The following UNC5D variants were observed in gnomAD, a reference collection of about 807,000 sequenced individuals.
UNC5D encodes the protein netrin receptor UNC5D.
UNC5D carries 39 observed loss-of-function variants against 105.4 expected under a neutral mutation model. The ratio of observed to expected loss-of-function variants is 0.37; its 90% CI spans 0.29 to 0.48. The LOEUF is 0.48. UNC5D is among the 20% of genes least tolerant of loss of function. The pLI, the probability that UNC5D is intolerant of heterozygous loss-of-function variation, is 0.98. For missense variants in UNC5D, 991 were observed against 1,202.4 expected, an observed-to-expected ratio of 0.82 and a Z score of 2.60; for synonymous variants, 452 against 450.4, an observed-to-expected ratio of 1.00 and a Z score of -0.04.
chr8:35,409,316 A>C (rs555601350), intron 1 of UNC5D, among the ~76,000 whole-genome samples: 3 of 152,222 alleles, frequency 2.0e-5, no homozygotes, highest in African/African-American at 7.2e-5. Context: ...ACTCTCTCCC[A>C]AAGAGGCTGT....
Position 35,445,821 on chromosome 8 carries a change from G to A in UNC5D, c.104-103471G>A, listed in dbSNP as rs1284022290. Among the ~76,000 whole-genome samples, 8 of 152,140 alleles carry A rather than the reference G, an allele frequency of 5.3e-5. No homozygotes were observed. The East Asian group carries it at 1.5e-3, about 29-fold the overall frequency. On this transcript the variant is annotated intron_variant, in intron 1 of 16. Coordinates refer to ENST00000404895, the MANE Select transcript of UNC5D (RefSeq NM_080872.4). Reference sequence around the variant, plus strand: ...TTCAATTCTTTTTGTGTTTAAAAAAGTGATTAATACATCTGTAGTATTTAT... The same window carrying A: ...TTCAATTCTTTTTGTGTTTAAAAAAATGATTAATACATCTGTAGTATTTAT...
At chr8:35,291,712 C>G (rs1807080919) in intron 1 of UNC5D, among the ~76,000 whole-genome samples, 1 of 152,162 alleles carries the variant, frequency 6.6e-6, no homozygotes, top group African/African-American at 2.4e-5. Context: ...CCGCTTGATT[C>G]TAAATTCCAT....
At chr8:35,563,928 A>G (rs1817142472) in intron 2 of UNC5D, among the ~76,000 whole-genome samples, 1 of 152,048 alleles carries the variant, frequency 6.6e-6, no homozygotes, top group Non-Finnish European at 1.5e-5. Context: ...TGATTTGCAT[A>G]TGTTGAAGTG....
chr8:35,398,167 T>G (rs1804218848), intron 1 of UNC5D, among the ~76,000 whole-genome samples: 1 of 152,186 alleles, frequency 6.6e-6, no homozygotes, highest in African/African-American at 2.4e-5. Flanking sequence ...AGGACACTAT[T>G]TAGAGGAAAA....
Position 35,696,006 on chromosome 8 carries a change from A to G in UNC5D, c.1084+9297A>G, listed in dbSNP as rs1178213246. On this transcript the variant is annotated intron_variant, in intron 7 of 16. Coordinates refer to ENST00000404895, the MANE Select transcript of UNC5D (RefSeq NM_080872.4). ...CACCTTGACCTCCCAAAGTGCTGGG[A>G]TTACAGGTGGTAGAAAATATTTTTT... is the stretch of plus-strand genomic sequence containing the variant. Among the ~76,000 whole-genome samples the G allele has an allele frequency of 2.6e-5, 4 of 152,250 alleles. No individual in the cohort carries two copies. The East Asian group carries it at 7.7e-4, about 29-fold the overall frequency.
Position 35,676,235 on chromosome 8 carries a change from A to ATT in UNC5D, c.571-7311_571-7310dup, listed in dbSNP as rs558276832. 1.8e-4 allele frequency among the ~76,000 whole-genome samples: 28 copies of ATT among 152,350 alleles called. No individual in the cohort carries two copies. The East Asian group carries it at 5.2e-3, about 28-fold the overall frequency. On this transcript the variant is annotated intron_variant, in intron 4 of 16. Transcript: ENST00000404895. ...TATAAACTGGAAAAAAAATCTACAA[A>ATT]TTGCAGACCATCTGTACATAACACT... is the stretch of plus-strand genomic sequence containing the variant.
At chr8:35,462,221 GT>G (rs879435239) in intron 1 of UNC5D, among the ~76,000 whole-genome samples, 35 of 150,550 alleles carry the variant, frequency 2.3e-4, no homozygotes, top group African/African-American at 4.6e-4. Flanking sequence ...TCTTTTAAAG[GT>G]TTTTTTTTAA....
At position 35,595,560 on chromosome 8, in the gene UNC5D, G is replaced by A. The variant is rs751720393; in HGVS notation, c.473G>A (p.Arg158Gln). 4 of 1,613,860 alleles carry A rather than the reference G, an allele frequency of 2.5e-6. No homozygotes were observed. Among genetic ancestry groups the A allele is most frequent in the Admixed American group, 1.7e-5 (1 of 60,008 alleles). ...ATCTCATGCTTCTTTGCAGATTTAC[G>A]GAAAAACTTTGAACAAGACCCACAA... ...RKASVRIAYL[R>Q]KNFEQDPQGR... Residue 158 changes from arginine to glutamine, a missense_variant, in exon 4 of 17, where the codon CGG becomes CAG. Physicochemically the swap from Arg to Gln is conservative, Grantham distance 43 (BLOSUM62 1). This residue lies in a region of UNC5D where 944 missense variants were observed against 1,131.6 expected (regional missense o/e 0.83). Transcript: ENST00000404895.
At chr8:35,607,408 C>T (rs1176252246) in intron 4 of UNC5D, among the ~76,000 whole-genome samples, 1 of 152,108 alleles carries the variant, frequency 6.6e-6, no homozygotes, top group Non-Finnish European at 1.5e-5. Flanking sequence ...GCATTAATTC[C>T]TTCTGGGGCT....
chr8:35,445,570 GTTAA>G (rs1024521807), intron 1 of UNC5D, among the ~76,000 whole-genome samples: 1 of 151,974 alleles, frequency 6.6e-6, no homozygotes, highest in Non-Finnish European at 1.5e-5. Flanking sequence ...AAGCTCAGAG[GTTAA>G]TTAATTTACC....
At chr8:35,266,757 A>G (rs1378731611) in intron 1 of UNC5D, among the ~76,000 whole-genome samples, 3 of 152,014 alleles carry the variant, frequency 2.0e-5, no homozygotes, top group South Asian at 2.1e-4. Context: ...CTTCACTCAT[A>G]TATCTAATAC....
intron 1 of UNC5D, among the ~76,000 whole-genome samples, chr8:35,248,535 T>A (rs1437868409): frequency 2.3e-4 from 5 of 22,146 alleles, no homozygotes; most frequent in African/African-American, 6.2e-4. Flanking sequence ...ATGTTATATA[T>A]GAAATAGATA....
chr8:35,628,332 C>G (rs1269586567), intron 4 of UNC5D, among the ~76,000 whole-genome samples: 1 of 152,114 alleles, frequency 6.6e-6, no homozygotes, highest in Non-Finnish European at 1.5e-5. Context: ...CAGGGTTTCA[C>G]CACGTTGGCC....
rs145904555 is a variant in UNC5D at position 35,344,264 on chromosome 8, C to T, written c.103+108377C>T. Among the ~76,000 whole-genome samples the T allele has an allele frequency of 1.5e-3, 232 of 152,176 alleles. 1 individual carries two copies. Among genetic ancestry groups the T allele is most frequent in the African/African-American group, 5.5e-3 (229 of 41,536 alleles). On this transcript the variant is annotated intron_variant, in intron 1 of 16. Transcript: ENST00000404895. Reference sequence around the variant, plus strand: ...AAGATGCGACTGTACACATCAGACCCGGCTGACCTTCTGGGCTACTTTCCA... The same window carrying T: ...AAGATGCGACTGTACACATCAGACCTGGCTGACCTTCTGGGCTACTTTCCA...
intron 1 of UNC5D, among the ~76,000 whole-genome samples, chr8:35,274,587 T>C (rs1805645705): frequency 6.6e-6 from 1 of 152,186 alleles, no homozygotes; most frequent in Non-Finnish European, 1.5e-5. Flanking sequence ...CCAAATCTCA[T>C]TGCTGTGTGA....
chr8:35,620,740 C>G (rs1821313661), intron 4 of UNC5D, among the ~76,000 whole-genome samples: 1 of 152,120 alleles, frequency 6.6e-6, no homozygotes, highest in Non-Finnish European at 1.5e-5. Flanking sequence ...CCTAATTATG[C>G]TCTTATTATT....
chr8:35,774,521 T>C, intron 16 of UNC5D, 44 bp downstream of exon 16: 1 of 1,605,182 alleles, frequency 6.2e-7, no homozygotes, highest in Non-Finnish European at 8.5e-7. Flanking sequence ...CTAAGAGAAC[T>C]TGGAAACATA....
intron 1 of UNC5D, among the ~76,000 whole-genome samples, chr8:35,516,029 T>C (rs188608560): frequency 6.6e-6 from 1 of 152,298 alleles, no homozygotes; most frequent in African/African-American, 2.4e-5. Context: ...TGCCAGTTCC[T>C]GTCTCATTAC....
chr8:35,253,513 G>T (rs1803861371), intron 1 of UNC5D, among the ~76,000 whole-genome samples: 1 of 115,540 alleles, frequency 8.7e-6, no homozygotes, highest in African/African-American at 3.2e-5. Context: ...TTGAGACAGA[G>T]TCTTGCTCTG....
Sources: allele counts gnomAD v4.1 joint callset (sites outside exome capture counted in the v4.1 genomes callset), GRCh38; gene constraint gnomAD v4.1.1; regional missense constraint gnomAD v4.1.1; transcripts MANE v1.5; gene names NCBI Gene and HGNC (gene_info 2026-07-23, HGNC 2026-07-21).